Variants in ZBTB41 observed in about 807,000 individuals in gnomAD.
The protein encoded by ZBTB41 is zinc finger and BTB domain-containing protein 41.
In ZBTB41, 42 loss-of-function variants were observed where a neutral mutation model predicts 87.6. The ratio of observed to expected loss-of-function variants is 0.48; its 90% CI spans 0.37 to 0.62. The LOEUF is 0.62. Ranked by LOEUF, ZBTB41 falls within the 20% of genes least tolerant of loss-of-function variation. ZBTB41 has a pLI of 0.00. For missense variants in ZBTB41, 799 were observed against 1,078.9 expected, an observed-to-expected ratio of 0.74 and a Z score of 3.63; for synonymous variants, 364 against 364.0, an observed-to-expected ratio of 1.00 and a Z score of 0.00.
chr1:197,180,279 C>G (rs1195360693), intron 6 of ZBTB41, among the ~76,000 whole-genome samples: 1 of 152,036 alleles, frequency 6.6e-6, no homozygotes, highest in Admixed American at 6.6e-5. Context: ...ACCACATAGC[C>G]TACATGTGTA....
rs1244155397 is a variant in ZBTB41, at chr1:197,172,283, A to G, written c.1986-35T>C. On this transcript the variant is annotated intron_variant, in intron 9 of 10. Transcript: ENST00000367405. Reference sequence around the variant, plus strand: ...TAAAAAGATTTGAGTTTTTCAATATAATTTTAATAACTATAATAAATATGA... The same window carrying G: ...TAAAAAGATTTGAGTTTTTCAATATGATTTTAATAACTATAATAAATATGA... 6.8e-6 allele frequency: 5 copies of G among 740,082 alleles called. No individual in the cohort carries two copies. In the South Asian group the frequency reaches 1.2e-4, roughly 18 times the overall value. 45.8% of individuals were successfully genotyped at this position (740,082 alleles called of 1,614,324 possible). A position where few individuals can be genotyped will look rare whatever the true frequency, so the allele number is the denominator to read the frequency against.
chr1:197,181,191 T>C, intron 5 of ZBTB41, 74 bp from the exon 6 acceptor site: 1 of 1,347,294 alleles, frequency 7.4e-7, no homozygotes, highest in South Asian at 1.5e-5. Flanking sequence ...ATAGGTATGC[T>C]GTAAGTTCAT....
intron 10 of ZBTB41, among the ~76,000 whole-genome samples, chr1:197,164,626 A>G (rs923658200): frequency 6.8e-6 from 1 of 147,732 alleles, no homozygotes; most frequent in African/African-American, 2.5e-5. Context: ...TTTTATAATG[A>G]TATAAAAGAC....
intron 3 of ZBTB41, 131 bp from the exon 4 acceptor site, chr1:197,190,962 G>C: frequency 1.8e-6 from 1 of 554,944 alleles, no homozygotes; most frequent in Non-Finnish European, 3.1e-6. Context: ...AGTAGGCATA[G>C]ATGAGCTCTT....
chr1:197,157,345 T>C lies in ZBTB41; in HGVS notation c.*2014A>G, dbSNP rs946303179. On this transcript the variant is annotated 3_prime_UTR_variant, in exon 11 of 11. Transcript: ENST00000367405. ...TATAAATATATATATACTATCTGCC[T>C]TTTTATAAGTCTAAACTTTTCTACA... The C allele has an allele frequency of 1.3e-5, 2 of 151,752 alleles. No individual in the cohort carries two copies. Among genetic ancestry groups the C allele is most frequent in the East Asian group, 3.9e-4 (2 of 5,192 alleles). The allele number at this position is 151,752 out of a possible 1,614,324, so 9.4% of individuals were successfully genotyped here. A position where few individuals can be genotyped will look rare whatever the true frequency, so the allele number is the denominator to read the frequency against.
chr1:197,170,852 T>C (rs1281647956), intron 10 of ZBTB41, among the ~76,000 whole-genome samples: 1 of 152,162 alleles, frequency 6.6e-6, no homozygotes, highest in African/African-American at 2.4e-5. Flanking sequence ...TCAACAAGTA[T>C]TTGCTGACTT....
In ZBTB41 at chr1:197,172,264, G is replaced by T. The variant is rs1256999418; in HGVS notation, c.1986-16C>A. The T allele has an allele frequency of 4.8e-6, 5 of 1,051,354 alleles. No homozygotes were observed. The South Asian group carries it at 8.2e-5, about 17-fold the overall frequency. The allele number at this position is 1,051,354 out of a possible 1,614,324, so 65.1% of individuals were successfully genotyped here. A position where few individuals can be genotyped will look rare whatever the true frequency, so the allele number is the denominator to read the frequency against. ...TGCTTTATATCTAAGAAAATAAAAA[G>T]ATTTGAGTTTTTCAATATAATTTTA... is the stretch of plus-strand genomic sequence containing the variant. On this transcript the variant is annotated splice_polypyrimidine_tract_variant and intron_variant, in intron 9 of 10. Transcript: ENST00000367405.
rs1455983531 is a variant in ZBTB41, at chr1:197,156,212, T to C, written c.*3147A>G. 7.4e-6 allele frequency: 1 copy of C among 134,828 alleles called. No homozygotes were observed. Among genetic ancestry groups the C allele is most frequent in the Non-Finnish European group, 1.8e-5 (1 of 55,362 alleles). 8.4% of individuals were successfully genotyped at this position (134,828 alleles called of 1,614,324 possible). A position where few individuals can be genotyped will look rare whatever the true frequency, so the allele number is the denominator to read the frequency against. On this transcript the variant is annotated 3_prime_UTR_variant, in exon 11 of 11. Transcript: ENST00000367405. The stretch of plus-strand genomic sequence containing the variant: ...AGTATTCAAACTAACAACTTTTTTT[T>C]TTTAAAAAAATCCATTATTCTAGGA...
intron 2 of ZBTB41, among the ~76,000 whole-genome samples, chr1:197,193,018 A>C (rs1660072433): frequency 6.6e-6 from 1 of 152,226 alleles, no homozygotes; most frequent in Non-Finnish European, 1.5e-5. Flanking sequence ...CAAAGAAAAC[A>C]GAAGTACAAT....
intron 8 of ZBTB41, among the ~76,000 whole-genome samples, chr1:197,175,776 G>T (rs1659590815): frequency 6.6e-6 from 1 of 151,714 alleles, no homozygotes; most frequent in Non-Finnish European, 1.5e-5. Context: ...AAATAAAAAG[G>T]CATAATTCCA....
At chr1:197,183,111 T>C (rs1363359221) in intron 5 of ZBTB41, among the ~76,000 whole-genome samples, 1 of 152,166 alleles carries the variant, frequency 6.6e-6, no homozygotes, top group African/African-American at 2.4e-5. Context: ...AAAATACTTA[T>C]AACAATACTC....
intron 5 of ZBTB41, among the ~76,000 whole-genome samples, chr1:197,185,917 A>G (rs1659870455): frequency 6.6e-6 from 1 of 152,210 alleles, no homozygotes; most frequent in Admixed American, 6.5e-5. Context: ...TATACATTCA[A>G]TGCAATCCCA....
At chr1:197,165,963 G>A (rs1407047416) in intron 10 of ZBTB41, among the ~76,000 whole-genome samples, 2 of 152,034 alleles carry the variant, frequency 1.3e-5, no homozygotes, top group Non-Finnish European at 2.9e-5. Context: ...AACCAGGGTG[G>A]GGCGTTGCCT....
At chr1:197,186,585 G>C (rs1224297414) in intron 5 of ZBTB41, among the ~76,000 whole-genome samples, 1 of 152,118 alleles carries the variant, frequency 6.6e-6, no homozygotes, top group African/African-American at 2.4e-5. Flanking sequence ...GGGCCAGCCA[G>C]GCGTGGTGGC....
At chr1:197,172,131 A>G (rs45512792) in intron 10 of ZBTB41, 29 bp downstream of exon 10, 20,319 of 933,702 alleles carry the variant, frequency 0.022, 358 homozygotes, top group Non-Finnish European at 0.025. Context: ...CTATATATAT[A>G]TATCTATGAA....
Position 197,157,173 on chromosome 1 carries a change from A to T in ZBTB41, c.*2186T>A, listed in dbSNP as rs552461452. 13 of 152,198 alleles carry T rather than the reference A, an allele frequency of 8.5e-5. No individual in the cohort carries two copies. Among genetic ancestry groups the T allele is most frequent in the Admixed American group, 1.3e-4 (2 of 15,220 alleles). 9.4% of individuals were successfully genotyped at this position (152,198 alleles called of 1,614,324 possible). ...GTAAACCAATTCCTACAATTAAATCATATATTTAAAGCATTAGGACGGACA... is the reference window on the plus strand; with the variant it reads ...GTAAACCAATTCCTACAATTAAATCTTATATTTAAAGCATTAGGACGGACA... On this transcript the variant is annotated 3_prime_UTR_variant, in exon 11 of 11. Coordinates refer to ENST00000367405, the MANE Select transcript of ZBTB41 (RefSeq NM_194314.3).
chr1:197,178,378 C>T (rs1659662499), intron 7 of ZBTB41, 39 bp downstream of exon 7: 4 of 1,342,434 alleles, frequency 3.0e-6, no homozygotes, highest in Non-Finnish European at 4.2e-6. Context: ...AGATATAATT[C>T]TATCTTACTT....
Position 197,200,164 on chromosome 1 carries a change from C to CT in ZBTB41, c.309dup (p.Val104SerfsTer8). 6.2e-7 allele frequency: 1 copy of CT among 1,613,950 alleles called. No individual in the cohort carries two copies. The highest frequency in any genetic ancestry group is 8.5e-7 in the Non-Finnish European group (1 of 1,180,026). The stretch of plus-strand genomic sequence containing the variant: ...TAACTACTGCCGACAGCAACGACTA[C>CT]TTTATGTGCACTAAATTCTTTTCCT... On this transcript the variant is annotated frameshift_variant, in exon 2 of 11. Coordinates refer to ENST00000367405, the MANE Select transcript of ZBTB41 (RefSeq NM_194314.3). LOFTEE classifies it high-confidence loss of function.
At position 197,159,012 on chromosome 1, in the gene ZBTB41, G is replaced by A. The variant is rs1035063679; in HGVS notation, c.*347C>T. The A allele has an allele frequency of 2.7e-5, 6 of 221,632 alleles. No homozygotes were observed. Among genetic ancestry groups the A allele is most frequent in the African/African-American group, 1.4e-4 (6 of 42,620 alleles). 13.7% of individuals were successfully genotyped at this position (221,632 alleles called of 1,614,324 possible). On this transcript the variant is annotated 3_prime_UTR_variant, in exon 11 of 11. Coordinates refer to ENST00000367405, the MANE Select transcript of ZBTB41 (RefSeq NM_194314.3). ...TGTAAGAAGGGCTAGGAAGAAGAAG[G>A]AGAGGAATGAGACTAAAGAAGAATA... is the stretch of plus-strand genomic sequence containing the variant.
Sources: allele counts gnomAD v4.1 joint callset (sites outside exome capture counted in the v4.1 genomes callset), GRCh38; gene constraint gnomAD v4.1.1; transcripts MANE v1.5; gene names NCBI Gene and HGNC (gene_info 2026-07-23, HGNC 2026-07-21).